CDH13: variants seen among roughly 807,000 people sequenced by gnomAD.
CDH13 encodes the protein cadherin-13.
A neutral mutation model predicts 63.8 loss-of-function variants in CDH13; 24 were observed. The ratio of observed to expected loss-of-function variants is 0.38; its 90% CI spans 0.27 to 0.53. The LOEUF (loss-of-function observed/expected upper bound fraction) is 0.53, where lower values mean the gene tolerates loss of function less well. Among genes scored for constraint, CDH13 ranks in the 20% least tolerant of loss-of-function variants. The pLI is 0.85. For synonymous variants in CDH13, 503 were observed against 355.3 expected (o/e 1.42, Z -4.67); for missense variants, 1,049 against 903.1 (o/e 1.16, Z -2.07).
chr16:83,634,802 G>T (rs1159566189), intron 8 of CDH13, among the ~76,000 whole-genome samples: 1 of 152,192 alleles, frequency 6.6e-6, no homozygotes, highest in Non-Finnish European at 1.5e-5. Flanking sequence ...ATATTCCATG[G>T]TATGGTATGC....
intron 2 of CDH13, among the ~76,000 whole-genome samples, chr16:83,009,040 G>C (rs1567739791): frequency 6.6e-6 from 1 of 152,142 alleles, no homozygotes; most frequent in African/African-American, 2.4e-5. Flanking sequence ...CAGCATGGGG[G>C]AAACTACTGC....
chr16:82,951,476 C>T (rs1458381767), intron 2 of CDH13, among the ~76,000 whole-genome samples: 1 of 152,224 alleles, frequency 6.6e-6, no homozygotes, highest in Non-Finnish European at 1.5e-5. Flanking sequence ...GCCGAGGACA[C>T]AGCTCACCAT....
At chr16:83,655,002 C>G (rs1270043510) in intron 8 of CDH13, 1 of 152,300 alleles carries the variant, frequency 6.6e-6, no homozygotes, top group Non-Finnish European at 1.5e-5. Flanking sequence ...AGCCCATGAC[C>G]TTGGACCCAG....
intron 1 of CDH13, among the ~76,000 whole-genome samples, chr16:82,647,279 C>T (rs11863431): frequency 0.22 from 34,163 of 152,064 alleles, 5,321 homozygotes; most frequent in African/African-American, 0.44. Context: ...GATGTGTTTA[C>T]GTACATGAGG....
At chr16:82,965,395 G>C (rs1312256453) in intron 2 of CDH13, among the ~76,000 whole-genome samples, 1 of 152,114 alleles carries the variant, frequency 6.6e-6, no homozygotes, top group East Asian at 1.9e-4. Context: ...GTTTTCTATG[G>C]AGTATTTTTC....
chr16:82,732,344 A>G lies in CDH13; in HGVS notation c.45+105207A>G, dbSNP rs139977679. Among the ~76,000 whole-genome samples the G allele has an allele frequency of 5.3e-5, 8 of 152,328 alleles. 1 individual carries two copies. The East Asian group carries it at 1.5e-3, about 29-fold the overall frequency. Reference sequence around the variant, plus strand: ...AGCCCAAGTTAAGTACTAATTCAGCAAGTTAGTTAAGTAATAAATGGCTGT... The same window carrying G: ...AGCCCAAGTTAAGTACTAATTCAGCGAGTTAGTTAAGTAATAAATGGCTGT... On this transcript the variant is annotated intron_variant, in intron 1 of 13. Transcript: ENST00000567109.
chr16:83,209,248 T>G lies in CDH13; in HGVS notation c.484-8097T>G, dbSNP rs543833882. 8.5e-5 allele frequency among the ~76,000 whole-genome samples: 13 copies of G among 152,278 alleles called. No homozygotes were observed. In the South Asian group the frequency reaches 2.7e-3, roughly 32 times the overall value. On this transcript the variant is annotated intron_variant, in intron 4 of 13. Coordinates refer to ENST00000567109, the MANE Select transcript of CDH13 (RefSeq NM_001257.5). ...ACATCCTTCACCTGGCAACTTTCAT[T>G]CCACCTATGAGTCAGGGCCTGGATC...
At chr16:83,216,443 T>TATATACACACATAC (rs1472700247) in intron 4 of CDH13, among the ~76,000 whole-genome samples, 16 of 93,434 alleles carry the variant, frequency 1.7e-4, no homozygotes, top group African/African-American at 6.3e-4. Flanking sequence ...TATATATATA[T>TATATACACACATAC]ACACAACCCT....
At chr16:83,131,278 G>A (rs1389938814) in intron 4 of CDH13, among the ~76,000 whole-genome samples, 1 of 138,318 alleles carries the variant, frequency 7.2e-6, no homozygotes, top group Non-Finnish European at 1.5e-5. Flanking sequence ...CCTAATTTCT[G>A]GCTCTTTTCC....
At chr16:83,545,437 T>A (rs2075369452) in intron 7 of CDH13, among the ~76,000 whole-genome samples, 1 of 152,220 alleles carries the variant, frequency 6.6e-6, no homozygotes, top group South Asian at 2.1e-4. Flanking sequence ...ATTTGCAGAT[T>A]ACAGATCCAG....
At chr16:83,420,274 C>T (rs970136996) in intron 6 of CDH13, among the ~76,000 whole-genome samples, 1 of 152,106 alleles carries the variant, frequency 6.6e-6, no homozygotes, top group Admixed American at 6.5e-5. Context: ...CAATTGAGAG[C>T]ATCAACTAAG....
At chr16:82,919,159 T>G (rs1270998061) in intron 2 of CDH13, among the ~76,000 whole-genome samples, 3 of 152,200 alleles carry the variant, frequency 2.0e-5, no homozygotes, top group Non-Finnish European at 2.9e-5. Flanking sequence ...TTTTTAAATG[T>G]TATATTTCAA....
At chr16:82,854,023 A>T (rs891408283) in intron 1 of CDH13, among the ~76,000 whole-genome samples, 2 of 152,130 alleles carry the variant, frequency 1.3e-5, no homozygotes, top group African/African-American at 4.8e-5. Context: ...CCATCCCCTT[A>T]CCAAAGTTAC....
At chr16:83,060,445 G>A (rs1053518583) in intron 3 of CDH13, among the ~76,000 whole-genome samples, 3 of 152,176 alleles carry the variant, frequency 2.0e-5, no homozygotes, top group African/African-American at 4.8e-5. Flanking sequence ...GAACTGTAGA[G>A]TCTTCCTGAT....
chr16:82,965,446 C>T (rs970918827), intron 2 of CDH13, among the ~76,000 whole-genome samples: 7 of 152,168 alleles, frequency 4.6e-5, no homozygotes. Context: ...ATGTACGTTT[C>T]TTCTAATTTT....
intron 4 of CDH13, among the ~76,000 whole-genome samples, chr16:83,185,941 T>C (rs1020925008): frequency 1.3e-5 from 2 of 152,138 alleles, no homozygotes; most frequent in African/African-American, 2.4e-5. Context: ...AAACCAATTA[T>C]CATCCCCTTT....
In CDH13 at chr16:83,780,165, G is replaced by C; in HGVS notation, c.1879G>C (p.Val627Leu). The change falls in exon 12 of 14, where the codon GTT (valine) becomes CTT (leucine). Residue 627 changes from valine (V) to leucine (L), a missense_variant. Val to Leu is a conservative substitution (Grantham distance 32, BLOSUM62 1). Coordinates refer to ENST00000567109, the MANE Select transcript of CDH13 (RefSeq NM_001257.5). ...PFKFEIHKQA[V>L]PDKVWKISKI... Reference sequence around the variant, plus strand: ...CAAATTTGAAATCCACAAACAAGCTGTTCCTGATAAAGTCTGGAAGATCTC... The same window carrying C: ...CAAATTTGAAATCCACAAACAAGCTCTTCCTGATAAAGTCTGGAAGATCTC... 4 of 1,608,776 alleles carry C rather than the reference G, an allele frequency of 2.5e-6. No homozygotes were observed. The highest frequency in any genetic ancestry group is 3.4e-6 in the Non-Finnish European group (4 of 1,177,262).
intron 1 of CDH13, among the ~76,000 whole-genome samples, chr16:82,703,206 T>TAC (rs34528218): frequency 0.047 from 7,034 of 149,480 alleles, 181 homozygotes; most frequent in African/African-American, 0.059. Flanking sequence ...GGATGTATAC[T>TAC]ACACACACAC....
At chr16:83,461,199 T>C (rs2073173002) in intron 6 of CDH13, among the ~76,000 whole-genome samples, 1 of 152,174 alleles carries the variant, frequency 6.6e-6, no homozygotes, top group Non-Finnish European at 1.5e-5. Flanking sequence ...TGCATGTGTG[T>C]ATATAGGTAC....
Sources: allele counts gnomAD v4.1 joint callset (sites outside exome capture counted in the v4.1 genomes callset), GRCh38; gene constraint gnomAD v4.1.1; transcripts MANE v1.5; gene names NCBI Gene and HGNC (gene_info 2026-07-23, HGNC 2026-07-21).